The following ADCY2 variants were observed in gnomAD, a reference collection of about 807,000 sequenced individuals.
The protein encoded by ADCY2 is adenylate cyclase 2.
A neutral mutation model predicts 125.2 loss-of-function variants in ADCY2; 31 were observed. The observed-to-expected ratio is 0.25, with a 90% CI of 0.19 to 0.33. The LOEUF (loss-of-function observed/expected upper bound fraction) is 0.33. Ranked by LOEUF, ADCY2 falls within the 10% of genes least tolerant of loss-of-function variation. The pLI is 1.00. For synonymous variants in ADCY2, 512 were observed against 548.4 expected, an observed-to-expected ratio of 0.93 and a Z score of 0.93; for missense variants, 904 against 1,418.2, an observed-to-expected ratio of 0.64 and a Z score of 5.82.
intron 3 of ADCY2, among the ~76,000 whole-genome samples, chr5:7,595,090 G>A (rs1173491814): frequency 1.3e-5 from 2 of 152,160 alleles, no homozygotes; most frequent in African/African-American, 4.8e-5. Context: ...CAAAGGGATA[G>A]TGGTTTTGTT....
chr5:7,499,153 A>G lies in ADCY2; in HGVS notation c.409-21585A>G, dbSNP rs150350615. Among the ~76,000 whole-genome samples, 329 of 152,262 alleles carry G rather than the reference A, an allele frequency of 2.2e-3. 1 individual carries two copies. The highest frequency in any genetic ancestry group is 0.01 in the Middle Eastern group (3 of 294). Reference sequence around the variant, plus strand: ...TTCCCCAGTAGATGGGACTACAGGCATGCGCCACCACAGCCAGCTAATTTT... The same window carrying G: ...TTCCCCAGTAGATGGGACTACAGGCGTGCGCCACCACAGCCAGCTAATTTT... On this transcript the variant is annotated intron_variant, in intron 2 of 24. Coordinates refer to ENST00000338316, the MANE Select transcript of ADCY2 (RefSeq NM_020546.3).
intron 3 of ADCY2, among the ~76,000 whole-genome samples, chr5:7,570,270 G>T (rs1471417332): frequency 6.6e-6 from 1 of 152,042 alleles, no homozygotes; most frequent in Non-Finnish European, 1.5e-5. Flanking sequence ...TTGACTTTTG[G>T]ACCAGAACAG....
At chr5:7,418,715 G>A (rs919087093) in intron 2 of ADCY2, among the ~76,000 whole-genome samples, 30 of 133,536 alleles carry the variant, frequency 2.2e-4, no homozygotes, top group African/African-American at 6.6e-4. Flanking sequence ...GAGTGCAGTC[G>A]TGCGATCTCG....
At chr5:7,764,281 G>T (rs1231659990) in intron 16 of ADCY2, among the ~76,000 whole-genome samples, 1 of 152,186 alleles carries the variant, frequency 6.6e-6, no homozygotes. Context: ...AATCACATAT[G>T]AGTGGCCGAA....
At chr5:7,716,001 G>A (rs891862948) in intron 11 of ADCY2, among the ~76,000 whole-genome samples, 5 of 152,164 alleles carry the variant, frequency 3.3e-5, no homozygotes, top group South Asian at 2.1e-4. Flanking sequence ...CTAGCAGGCC[G>A]TGCTTTTAAT....
At chr5:7,683,267 C>T (rs1740400584) in intron 4 of ADCY2, among the ~76,000 whole-genome samples, 2 of 152,206 alleles carry the variant, frequency 1.3e-5, no homozygotes, top group African/African-American at 4.8e-5. Flanking sequence ...TGTGGGCACA[C>T]CACGTGAGTG....
chr5:7,568,253 A>G (rs924865272), intron 3 of ADCY2, among the ~76,000 whole-genome samples: 7 of 152,250 alleles, frequency 4.6e-5, no homozygotes, highest in African/African-American at 1.4e-4. Context: ...TTGATATTAT[A>G]TTAACTGATT....
intron 16 of ADCY2, among the ~76,000 whole-genome samples, chr5:7,762,362 G>T (rs554981821): frequency 1.3e-5 from 2 of 152,324 alleles, no homozygotes; most frequent in East Asian, 1.9e-4. Flanking sequence ...TGTCCATGGG[G>T]CTCTGCCTCT....
chr5:7,561,306 C>T (rs1039682528), intron 3 of ADCY2, among the ~76,000 whole-genome samples: 7 of 152,184 alleles, frequency 4.6e-5, no homozygotes, highest in Non-Finnish European at 8.8e-5. Context: ...CATGTACTTA[C>T]GCAAACCTAA....
At chr5:7,766,390 T>C (rs1743379777) in intron 16 of ADCY2, among the ~76,000 whole-genome samples, 1 of 152,208 alleles carries the variant, frequency 6.6e-6, no homozygotes, top group Non-Finnish European at 1.5e-5. Flanking sequence ...AAAGGTGATA[T>C]CGGTTTCAAA....
At chr5:7,480,403 A>G (rs1192747485) in intron 2 of ADCY2, among the ~76,000 whole-genome samples, 2 of 152,252 alleles carry the variant, frequency 1.3e-5, no homozygotes, top group Non-Finnish European at 2.9e-5. Flanking sequence ...CATATGTACC[A>G]TGGAATACTG....
At chr5:7,794,101 G>A (rs1744341691) in intron 20 of ADCY2, 1 of 152,192 alleles carries the variant, frequency 6.6e-6, no homozygotes, top group Non-Finnish European at 1.5e-5. Flanking sequence ...GAGAAGAGTG[G>A]ACACTGAACC....
At position 7,735,445 on chromosome 5, in the gene ADCY2, G is replaced by A. The variant is rs115854259; in HGVS notation, c.1871+8184G>A. ...CATTCAGCCTTTTACCATTAAGTAT[G>A]ATGTTAGCTGTGAGTTTCTCATGGT... On this transcript the variant is annotated intron_variant, in intron 14 of 24. Transcript: ENST00000338316. Among the ~76,000 whole-genome samples, 1,043 of 152,300 alleles carry A rather than the reference G, an allele frequency of 6.8e-3. 5 individuals carry two copies. The highest frequency in any genetic ancestry group is 0.011 in the Non-Finnish European group (730 of 68,008).
intron 3 of ADCY2, among the ~76,000 whole-genome samples, chr5:7,557,385 T>C (rs563400140): frequency 6.6e-6 from 1 of 152,212 alleles, no homozygotes; most frequent in South Asian, 2.1e-4. Flanking sequence ...TTTTAGCTTT[T>C]ATTTTAAGTT....
intron 4 of ADCY2, among the ~76,000 whole-genome samples, chr5:7,681,564 C>G (rs1413690198): frequency 6.6e-6 from 1 of 151,964 alleles, no homozygotes; most frequent in Non-Finnish European, 1.5e-5. Context: ...GCAGTTTTTT[C>G]CGGAAATCTC....
chr5:7,480,120 C>T (rs546781513), intron 2 of ADCY2, among the ~76,000 whole-genome samples: 1 of 152,214 alleles, frequency 6.6e-6, no homozygotes, highest in South Asian at 2.1e-4. Flanking sequence ...ATAACAGATG[C>T]TGGCAAGTTT....
At chr5:7,723,467 A>C (rs1427967471) in intron 12 of ADCY2, among the ~76,000 whole-genome samples, 2 of 152,150 alleles carry the variant, frequency 1.3e-5, no homozygotes, top group East Asian at 3.9e-4. Context: ...TGCTGAAAAC[A>C]GATGTTTAAA....
At chr5:7,416,489 C>A (rs1166146607) in intron 2 of ADCY2, among the ~76,000 whole-genome samples, 2 of 152,114 alleles carry the variant, frequency 1.3e-5, no homozygotes, top group Non-Finnish European at 2.9e-5. Context: ...AATTAGAAAT[C>A]CTGGCTAATA....
intron 2 of ADCY2, among the ~76,000 whole-genome samples, chr5:7,463,039 T>C (rs1248864028): frequency 6.6e-6 from 1 of 152,232 alleles, no homozygotes; most frequent in Admixed American, 6.5e-5. Context: ...GGGCTGTCCA[T>C]GAACTTGAGA....
Sources: allele counts gnomAD v4.1 joint callset (sites outside exome capture counted in the v4.1 genomes callset), GRCh38; gene constraint gnomAD v4.1.1; transcripts MANE v1.5; gene names NCBI Gene and HGNC (gene_info 2026-07-23, HGNC 2026-07-21).